PITPNA: variants seen among roughly 807,000 people sequenced by gnomAD.
PITPNA encodes the protein phosphatidylinositol transfer protein alpha, also known as phosphatidylinositol transfer protein alpha isoform.
PITPNA carries 13 observed loss-of-function variants against 50.3 expected under a neutral mutation model. The ratio of observed to expected loss-of-function variants is 0.26; its 90% CI spans 0.17 to 0.41. The LOEUF is 0.41. Ranked by LOEUF, PITPNA falls within the 10% of genes least tolerant of loss-of-function variation. The pLI, the probability that PITPNA is intolerant of heterozygous loss-of-function variation, is 1.00. For missense variants in PITPNA, 207 were observed against 333.4 expected (o/e 0.62, Z 2.95); for synonymous variants, 120 against 119.6 (o/e 1.00, Z -0.02).
intron 3 of PITPNA, among the ~76,000 whole-genome samples, chr17:1,552,203 G>C (rs960379171): frequency 1.3e-5 from 2 of 152,210 alleles, no homozygotes; most frequent in Non-Finnish European, 2.9e-5. Flanking sequence ...TCACTGAACT[G>C]TATACTTAAA....
At position 1,542,503 on chromosome 17, in the gene PITPNA, G is replaced by A. The variant is rs2075652885; in HGVS notation, c.297+517C>T. The stretch of plus-strand genomic sequence containing the variant: ...AGGAGGAACACATTCACCCATTAAC[G>A]CCTCAGCAGGAACCAGTTTCCCAGA... On this transcript the variant is annotated intron_variant, in intron 5 of 11. Coordinates refer to ENST00000313486, the MANE Select transcript of PITPNA (RefSeq NM_006224.4). Among the ~76,000 whole-genome samples, 4 of 152,094 alleles carry A rather than the reference G, an allele frequency of 2.6e-5. No individual in the cohort carries two copies. In the South Asian group the frequency reaches 6.2e-4, roughly 24 times the overall value.
intron 2 of PITPNA, among the ~76,000 whole-genome samples, chr17:1,554,371 A>G (rs1416915768): frequency 6.8e-6 from 1 of 146,114 alleles, no homozygotes; most frequent in African/African-American, 2.5e-5. Context: ...CCCCGGGGGG[A>G]AGACAAGGGT....
intron 4 of PITPNA, among the ~76,000 whole-genome samples, chr17:1,546,922 T>C (rs1214738086): frequency 1.3e-5 from 2 of 152,210 alleles, no homozygotes; most frequent in African/African-American, 4.8e-5. Context: ...GTATCCTCAA[T>C]TACAGAACAT....
intron 7 of PITPNA, among the ~76,000 whole-genome samples, chr17:1,537,592 TACTC>T (rs1452767780): frequency 6.6e-6 from 1 of 152,200 alleles, no homozygotes; most frequent in Non-Finnish European, 1.5e-5. Flanking sequence ...GTTGACAAAA[TACTC>T]AAAGAATCAT....
At chr17:1,534,329 G>C in intron 9 of PITPNA, 108 bp from the exon 10 acceptor site, 2 of 1,378,434 alleles carry the variant, frequency 1.5e-6, no homozygotes, top group Non-Finnish European at 2.0e-6. Flanking sequence ...GGGGACGGGC[G>C]GACAGGAGGA....
intron 7 of PITPNA, chr17:1,538,462 C>G (rs77637295): frequency 0.05 from 8,162 of 164,256 alleles, 260 homozygotes; most frequent in Non-Finnish European, 0.074. Flanking sequence ...CATTCTGCAT[C>G]CCTCACCTGG....
chr17:1,521,186 A>T (rs1195329103), intron 11 of PITPNA, among the ~76,000 whole-genome samples: 1 of 152,198 alleles, frequency 6.6e-6, no homozygotes, highest in Non-Finnish European at 1.5e-5. Flanking sequence ...CTGGCCAGCA[A>T]GTTTTCCAAG....
intron 1 of PITPNA, among the ~76,000 whole-genome samples, chr17:1,560,865 G>GCATCCC (rs2075764596): frequency 6.6e-6 from 1 of 152,206 alleles, no homozygotes; most frequent in Non-Finnish European, 1.5e-5. Flanking sequence ...CTCTTCAGAT[G>GCATCCC]AGGTGTTTAG....
In PITPNA at chr17:1,518,808, T is replaced by G. The variant is rs144740010; in HGVS notation, c.*1753A>C. 1.3e-5 allele frequency: 2 copies of G among 152,306 alleles called. No homozygotes were observed. The highest frequency in any genetic ancestry group is 2.9e-5 in the Non-Finnish European group (2 of 68,016). 9.4% of individuals were successfully genotyped at this position (152,306 alleles called of 1,614,324 possible). A position where few individuals can be genotyped will look rare whatever the true frequency, so the allele number is the denominator to read the frequency against. On this transcript the variant is annotated 3_prime_UTR_variant, in exon 12 of 12. Transcript: ENST00000313486. ...TATAATGAATAGCTAACACAGAGCT[T>G]ATAGGAAAACACTGACATTTTTCTC...
chr17:1,558,892 C>G (rs534442923), intron 1 of PITPNA, among the ~76,000 whole-genome samples: 1 of 151,636 alleles, frequency 6.6e-6, no homozygotes, highest in East Asian at 1.9e-4. Context: ...CTCCCGCCAG[C>G]TACTTCCCAG....
Position 1,534,234 on chromosome 17 carries a change from G to A in PITPNA, c.646-13C>T, listed in dbSNP as rs758917340. 4 of 1,613,560 alleles carry A rather than the reference G, an allele frequency of 2.5e-6. No homozygotes were observed. In the South Asian group the frequency reaches 4.4e-5, roughly 18 times the overall value. The stretch of plus-strand genomic sequence containing the variant: ...GACGCCTCTCTTGCTATAGAAAGGA[G>A]GGAACCACGTTAGAACGCAGAAGGC... On this transcript the variant is annotated splice_polypyrimidine_tract_variant and intron_variant, in intron 9 of 11. Coordinates refer to ENST00000313486, the MANE Select transcript of PITPNA (RefSeq NM_006224.4).
At position 1,562,643 on chromosome 17, in the gene PITPNA, C is replaced by A. The variant is rs2075774560; in HGVS notation, c.-83G>T. ...CCGGCCGCTCTCCCCGTGGCCCGGCCCGGCCCGGCTGCCTGTGCGTCTTCG... is the reference window on the plus strand; with the variant it reads ...CCGGCCGCTCTCCCCGTGGCCCGGCACGGCCCGGCTGCCTGTGCGTCTTCG... On this transcript the variant is annotated 5_prime_UTR_variant, in exon 1 of 12. Coordinates refer to ENST00000313486, the MANE Select transcript of PITPNA (RefSeq NM_006224.4). This position sits in a 1 kb window ranked among gnomAD's most constrained non-coding sequence, Gnocchi z 6.4. 1 of 996,994 alleles carries A rather than the reference C, an allele frequency of 1.0e-6. No homozygotes were observed. Among genetic ancestry groups the A allele is most frequent in the Non-Finnish European group, 1.3e-6 (1 of 795,368 alleles). 61.8% of individuals were successfully genotyped at this position (996,994 alleles called of 1,614,324 possible).
rs975938898 is a variant in PITPNA, at chr17:1,517,810, A to G, written c.*2751T>C. On this transcript the variant is annotated 3_prime_UTR_variant, in exon 12 of 12. Coordinates refer to ENST00000313486, the MANE Select transcript of PITPNA (RefSeq NM_006224.4). ...CGGCCGAATTACAATTCAGATGTGC[A>G]ATGTTTGCATAAGTAAACTGACACG... 6.6e-6 allele frequency: 1 copy of G among 152,316 alleles called. No individual in the cohort carries two copies. Among genetic ancestry groups the G allele is most frequent in the Non-Finnish European group, 1.5e-5 (1 of 68,050 alleles). 9.4% of individuals were successfully genotyped at this position (152,316 alleles called of 1,614,324 possible).
intron 10 of PITPNA, among the ~76,000 whole-genome samples, chr17:1,532,979 T>C (rs1278004090): frequency 6.6e-6 from 1 of 152,206 alleles, no homozygotes; most frequent in Non-Finnish European, 1.5e-5. Flanking sequence ...TGGACCCAAT[T>C]TTCGCCCTAG....
At position 1,562,575 on chromosome 17, in the gene PITPNA, C is replaced by T; in HGVS notation, c.-15G>A. On this transcript the variant is annotated 5_prime_UTR_variant, in exon 1 of 12. Coordinates refer to ENST00000313486, the MANE Select transcript of PITPNA (RefSeq NM_006224.4). This position sits in a 1 kb window ranked among gnomAD's most constrained non-coding sequence, Gnocchi z 6.4. ...AGCAGCACCATGTCGCTTCGCGGCTCGGTGGCTGCCCGCGGCCCGCCCGGC... is the reference window on the plus strand; with the variant it reads ...AGCAGCACCATGTCGCTTCGCGGCTTGGTGGCTGCCCGCGGCCCGCCCGGC... 2 of 1,309,554 alleles carry T rather than the reference C, an allele frequency of 1.5e-6. No homozygotes were observed. Among genetic ancestry groups the T allele is most frequent in the South Asian group, 2.2e-5 (1 of 45,278 alleles). 81.1% of individuals were successfully genotyped at this position (1,309,554 alleles called of 1,614,324 possible).
chr17:1,543,913 C>T (rs1394191297), intron 4 of PITPNA, among the ~76,000 whole-genome samples: 4 of 152,208 alleles, frequency 2.6e-5, no homozygotes, highest in Admixed American at 6.5e-5. Context: ...AAGAAAACCA[C>T]GTTAGAATAA....
In PITPNA at chr17:1,549,849, A is replaced by T. The variant is rs183734106; in HGVS notation, c.198-1462T>A. On this transcript the variant is annotated intron_variant, in intron 3 of 11. Coordinates refer to ENST00000313486, the MANE Select transcript of PITPNA (RefSeq NM_006224.4). ...GCCACCACGCCCAGCTAATTTTTGT[A>T]TTTTTGGTAGAGATGGGGTTTTGTC... 1.9e-3 allele frequency among the ~76,000 whole-genome samples: 284 copies of T among 151,216 alleles called. 24 individuals are homozygous for T. Among genetic ancestry groups the T allele is most frequent in the African/African-American group, 6.6e-3 (271 of 41,092 alleles).
At chr17:1,524,943 A>C (rs2075538680) in intron 10 of PITPNA, among the ~76,000 whole-genome samples, 1 of 152,074 alleles carries the variant, frequency 6.6e-6, no homozygotes, top group Admixed American at 6.5e-5. Context: ...GTAGAGATGA[A>C]AATTACTGGA....
In PITPNA at chr17:1,562,471, C is replaced by T; in HGVS notation, c.20+70G>A. On this transcript the variant is annotated intron_variant, in intron 1 of 11. Coordinates refer to ENST00000313486, the MANE Select transcript of PITPNA (RefSeq NM_006224.4). The surrounding 1 kb of genome is among the most constrained non-coding windows in gnomAD (Gnocchi z 6.4). ...TCCATCCGGGCCCTGCGTCCCTCGC[C>T]GCGCCGTCGCCCCGGCGGCCGTCCC... The T allele has an allele frequency of 2.3e-6, 3 of 1,300,684 alleles. No individual in the cohort carries two copies. The highest frequency in any genetic ancestry group is 1.5e-5 in the South Asian group (1 of 64,864). The allele number at this position is 1,300,684 out of a possible 1,614,324, so 80.6% of individuals were successfully genotyped here. A position where few individuals can be genotyped will look rare whatever the true frequency, so the allele number is the denominator to read the frequency against.
Sources: gnomAD v4.1 joint callset for allele counts (sites outside exome capture counted in the v4.1 genomes callset) on GRCh38, gnomAD v4.1.1 for gene constraint, Gnocchi (gnomAD v3.1) non-coding constraint, MANE v1.5 for transcripts, NCBI Gene and HGNC (gene_info 2026-07-23, HGNC 2026-07-21) for gene names.